Variants in ADARB2 observed in about 807,000 individuals in gnomAD.
ADARB2 encodes inactive double-stranded RNA-specific editase B2.
ADARB2 carries 25 observed loss-of-function variants against 62.2 expected under a neutral mutation model. The observed-to-expected ratio is 0.40, with a 90% confidence interval of 0.29 to 0.56. The LOEUF (loss-of-function observed/expected upper bound fraction) is 0.56, where lower values mean the gene tolerates loss of function less well. ADARB2 is among the 20% of genes least tolerant of loss of function. The pLI, the probability that ADARB2 is intolerant of heterozygous loss-of-function variation, is 0.43. For synonymous variants in ADARB2, 572 were observed against 500.8 expected (o/e 1.14, Z -1.90); for missense variants, 1,071 against 1,077.4 (o/e 0.99, Z 0.08).
chr10:1,703,208 G>A (rs981287248), intron 1 of ADARB2, among the ~76,000 whole-genome samples: 2 of 152,196 alleles, frequency 1.3e-5, no homozygotes, highest in Non-Finnish European at 2.9e-5. Flanking sequence ...GTGGAACTGA[G>A]CATTTTCATG....
intron 1 of ADARB2, among the ~76,000 whole-genome samples, chr10:1,449,997 C>T (rs1246723140): frequency 6.6e-6 from 1 of 152,230 alleles, no homozygotes; most frequent in African/African-American, 2.4e-5. Context: ...GGGCTGGCTG[C>T]AAGGAGGCCG....
intron 1 of ADARB2, among the ~76,000 whole-genome samples, chr10:1,504,460 G>A (rs1831809839): frequency 6.6e-6 from 1 of 152,184 alleles, no homozygotes; most frequent in Admixed American, 6.5e-5. Flanking sequence ...AGACACGTGT[G>A]TACGCGGGCA....
chr10:1,276,648 A>G lies in ADARB2; in HGVS notation c.1078-5579T>C, dbSNP rs1378713073. Reference sequence around the variant, plus strand: ...ACGAAAAGACTTAGACTCCCAAACAATAATAACGGGAGACTTTAACACCCC... The same window carrying G: ...ACGAAAAGACTTAGACTCCCAAACAGTAATAACGGGAGACTTTAACACCCC... On this transcript the variant is annotated intron_variant, in intron 3 of 9. Transcript: ENST00000381312. 6.5e-4 allele frequency among the ~76,000 whole-genome samples: 99 copies of G among 152,322 alleles called. No homozygotes were observed. The Middle Eastern group carries it at 0.01, about 16-fold the overall frequency.
intron 1 of ADARB2, among the ~76,000 whole-genome samples, chr10:1,572,590 C>T (rs1040836490): frequency 2.0e-5 from 3 of 152,086 alleles, no homozygotes; most frequent in Admixed American, 6.6e-5. Flanking sequence ...ACCTCTGCGC[C>T]ATGCTGGGCT....
intron 3 of ADARB2, among the ~76,000 whole-genome samples, chr10:1,327,902 C>G (rs1398549185): frequency 6.6e-6 from 1 of 152,010 alleles, no homozygotes; most frequent in Non-Finnish European, 1.5e-5. Context: ...AGCTCAGCGC[C>G]TCCTCACAGT....
intron 3 of ADARB2, among the ~76,000 whole-genome samples, chr10:1,303,635 C>T (rs1266867267): frequency 7.3e-5 from 11 of 151,718 alleles, no homozygotes; most frequent in Non-Finnish European, 1.2e-4. Flanking sequence ...AGAGAAGGGT[C>T]GGGTTACCCT....
intron 1 of ADARB2, among the ~76,000 whole-genome samples, chr10:1,585,538 CAG>C (rs1833164157): frequency 6.6e-6 from 1 of 152,178 alleles, no homozygotes; most frequent in Admixed American, 6.5e-5. Flanking sequence ...TGTAACAATG[CAG>C]AGTCACTGAG....
intron 1 of ADARB2, among the ~76,000 whole-genome samples, chr10:1,389,893 T>C (rs1158907614): frequency 1.3e-5 from 2 of 152,118 alleles, no homozygotes; most frequent in Non-Finnish European, 2.9e-5. Flanking sequence ...CTTTGGAAAA[T>C]GTCTTGGTTG....
chr10:1,413,349 C>T lies in ADARB2; in HGVS notation c.101-34189G>A, dbSNP rs576337241. Among the ~76,000 whole-genome samples the T allele has an allele frequency of 3.0e-4, 45 of 152,208 alleles. No individual in the cohort carries two copies. The South Asian group carries it at 3.3e-3, about 11-fold the overall frequency. ...GGTGCTCTGTGGTTAGAAACGGCGTCGGGTCTCGCAGAATGGAGGCAGAGT... is the reference window on the plus strand; with the variant it reads ...GGTGCTCTGTGGTTAGAAACGGCGTTGGGTCTCGCAGAATGGAGGCAGAGT... On this transcript the variant is annotated intron_variant, in intron 1 of 9. Coordinates refer to ENST00000381312, the MANE Select transcript of ADARB2 (RefSeq NM_018702.4).
At chr10:1,529,482 G>A (rs1332930517) in intron 1 of ADARB2, among the ~76,000 whole-genome samples, 12 of 152,048 alleles carry the variant, frequency 7.9e-5, no homozygotes, top group East Asian at 5.8e-4. Context: ...GCCTGAATCC[G>A]CCCCTGCACA....
intron 3 of ADARB2, among the ~76,000 whole-genome samples, chr10:1,308,634 C>T (rs558302137): frequency 6.6e-6 from 1 of 152,352 alleles, no homozygotes; most frequent in Middle Eastern, 3.4e-3. Flanking sequence ...ACTGAATTTC[C>T]TGTTGCTCCA....
chr10:1,732,283 C>T (rs2119049237), intron 1 of ADARB2, among the ~76,000 whole-genome samples: 1 of 143,294 alleles, frequency 7.0e-6, no homozygotes, highest in South Asian at 2.2e-4. Flanking sequence ...ACATTAAATG[C>T]TTTTAGGGCA....
intron 7 of ADARB2, among the ~76,000 whole-genome samples, chr10:1,214,452 C>T (rs1330663737): frequency 1.3e-5 from 1 of 76,004 alleles, no homozygotes; most frequent in Non-Finnish European, 2.7e-5. Flanking sequence ...TGCACCTGTA[C>T]CCAGCGTTGC....
chr10:1,201,836 C>T (rs531566376), intron 7 of ADARB2, among the ~76,000 whole-genome samples: 19 of 99,526 alleles, frequency 1.9e-4, no homozygotes, highest in African/African-American at 6.2e-4. Flanking sequence ...TGGGAGGACA[C>T]ACAGCGCCTG....
intron 7 of ADARB2, among the ~76,000 whole-genome samples, chr10:1,205,964 G>A (rs1273464967): frequency 2.0e-5 from 3 of 151,170 alleles, no homozygotes; most frequent in Admixed American, 6.6e-5. Flanking sequence ...GGGGCAGCCC[G>A]TTGGGGTCAG....
chr10:1,465,179 G>C (rs1009940322), intron 1 of ADARB2, among the ~76,000 whole-genome samples: 1 of 152,214 alleles, frequency 6.6e-6, no homozygotes, highest in Admixed American at 6.5e-5. Context: ...AAATGGCAAA[G>C]TTACAGGGTC....
chr10:1,205,890 T>C (rs868414525), intron 7 of ADARB2, among the ~76,000 whole-genome samples: 1 of 150,544 alleles, frequency 6.6e-6, no homozygotes, highest in African/African-American at 2.5e-5. Flanking sequence ...GGTGGGGTCA[T>C]GGGGCAGCCC....
At chr10:1,736,023 C>G (rs1344133322) in intron 1 of ADARB2, among the ~76,000 whole-genome samples, 1 of 152,224 alleles carries the variant, frequency 6.6e-6, no homozygotes. Context: ...TTTCAAACAA[C>G]TGGCAAAGCT....
chr10:1,309,103 G>T (rs1037846506), intron 3 of ADARB2, among the ~76,000 whole-genome samples: 2 of 152,292 alleles, frequency 1.3e-5, no homozygotes, highest in Admixed American at 1.3e-4. Context: ...AGACATTTTT[G>T]TGTGTTGGGT....
Sources: gnomAD v4.1 joint callset for allele counts (sites outside exome capture counted in the v4.1 genomes callset) on GRCh38, gnomAD v4.1.1 for gene constraint, MANE v1.5 for transcripts, NCBI Gene and HGNC (gene_info 2026-07-23, HGNC 2026-07-21) for gene names.